SOX6: variants seen among roughly 807,000 people sequenced by gnomAD.
The protein encoded by SOX6 is transcription factor SOX-6.
In SOX6, 11 loss-of-function variants were observed where a neutral mutation model predicts 97.8. The ratio of observed to expected loss-of-function variants is 0.11; its 90% confidence interval spans 0.07 to 0.19. The LOEUF is 0.19. Ranked by LOEUF, SOX6 falls within the 10% of genes least tolerant of loss-of-function variation. The pLI is 1.00. For synonymous variants in SOX6, 360 were observed against 371.4 expected (o/e 0.97, Z 0.35); for missense variants, 810 against 1,039.5 (o/e 0.78, Z 3.04).
chr11:16,540,744 C>A (rs1861393162), intron 4 of SOX6, among the ~76,000 whole-genome samples: 1 of 152,062 alleles, frequency 6.6e-6, no homozygotes, highest in Non-Finnish European at 1.5e-5. Context: ...GAATAAAATA[C>A]CAAAGAATCC....
At chr11:16,723,263 G>A (rs1259507257) in intron 2 of SOX6, among the ~76,000 whole-genome samples, 2 of 152,042 alleles carry the variant, frequency 1.3e-5, no homozygotes, top group Non-Finnish European at 2.9e-5. Flanking sequence ...CTTATAAGAG[G>A]CATCTAAATG....
intron 3 of SOX6, among the ~76,000 whole-genome samples, chr11:16,627,996 G>C (rs1485459118): frequency 1.3e-5 from 2 of 152,092 alleles, no homozygotes; most frequent in African/African-American, 4.8e-5. Context: ...TATAGGTTTA[G>C]TTTCATTCTG....
At position 16,571,608 on chromosome 11, in the gene SOX6, T is replaced by TTTTG. The variant is rs34319439; in HGVS notation, n.609+40469_609+40472dup. On this transcript the variant is annotated intron_variant and non_coding_transcript_variant, in intron 4 of 5. Coordinates refer to the SOX6 transcript ENST00000524520. The stretch of plus-strand genomic sequence containing the variant: ...ACTGTACCCAGCCTCTACATTCAGT[T>TTTTG]TTTGTTTGTTTGTTTGTTTGTTTGT... 9.8e-3 allele frequency among the ~76,000 whole-genome samples: 1,495 copies of TTTTG among 151,888 alleles called. 23 individuals are homozygous for TTTTG. The highest frequency in any genetic ancestry group is 0.033 in the African/African-American group (1,349 of 41,350).
chr11:16,081,407 A>C (rs1390730073), intron 9 of SOX6, among the ~76,000 whole-genome samples: 2 of 151,972 alleles, frequency 1.3e-5, no homozygotes, highest in Non-Finnish European at 2.9e-5. Flanking sequence ...AAGATGACAC[A>C]AAAAAAATGA....
At chr11:16,021,099 AT>A (rs1855046011) in intron 12 of SOX6, among the ~76,000 whole-genome samples, 2 of 152,190 alleles carry the variant, frequency 1.3e-5, no homozygotes, top group Admixed American at 1.3e-4. Flanking sequence ...TGAAAAAGAT[AT>A]TTTGAGTTTA....
intron 3 of SOX6, among the ~76,000 whole-genome samples, chr11:16,665,285 A>G (rs1485342943): frequency 6.6e-6 from 1 of 152,062 alleles, no homozygotes; most frequent in Non-Finnish European, 1.5e-5. Context: ...GTATTTCTGG[A>G]CCTGCTCAGG....
intron 1 of SOX6, among the ~76,000 whole-genome samples, chr11:16,468,393 A>G (rs1860081299): frequency 6.6e-6 from 1 of 152,212 alleles, no homozygotes; most frequent in South Asian, 2.1e-4. Context: ...TATAATGTGT[A>G]AGTTGTTTTG....
chr11:16,328,396 C>CA (rs1410995029), intron 2 of SOX6, among the ~76,000 whole-genome samples: 1 of 152,084 alleles, frequency 6.6e-6, no homozygotes, highest in African/African-American at 2.4e-5. Flanking sequence ...CAAAAACAAC[C>CA]AAAAGTCATT....
intron 3 of SOX6, among the ~76,000 whole-genome samples, chr11:16,641,122 T>C (rs555806709): frequency 1.9e-4 from 29 of 152,368 alleles, no homozygotes; most frequent in African/African-American, 6.0e-4. Context: ...TTTGTTCTTG[T>C]TGGTTTCGAA....
chr11:16,697,766 G>A (rs961762930), intron 3 of SOX6, among the ~76,000 whole-genome samples: 1 of 152,204 alleles, frequency 6.6e-6, no homozygotes, highest in Admixed American at 6.5e-5. Context: ...TGTTGTGTTA[G>A]CAGGCATGAA....
At chr11:16,249,199 T>C (rs774478732) in intron 3 of SOX6, among the ~76,000 whole-genome samples, 2 of 152,226 alleles carry the variant, frequency 1.3e-5, no homozygotes, top group Non-Finnish European at 2.9e-5. Flanking sequence ...TTTTCTTTTC[T>C]ATCACATCGT....
intron 3 of SOX6, among the ~76,000 whole-genome samples, chr11:16,668,291 T>C (rs1847822392): frequency 1.3e-5 from 2 of 152,044 alleles, no homozygotes; most frequent in African/African-American, 4.8e-5. Flanking sequence ...GAGAATTGCT[T>C]GAACATGGGA....
At chr11:16,378,172 T>C (rs1857694084) in intron 1 of SOX6, among the ~76,000 whole-genome samples, 1 of 150,406 alleles carries the variant, frequency 6.6e-6, no homozygotes. Flanking sequence ...TCAACAAACA[T>C]GTACTGAGGC....
chr11:16,638,650 T>G (rs572233581), intron 3 of SOX6, among the ~76,000 whole-genome samples: 36 of 152,374 alleles, frequency 2.4e-4, no homozygotes, highest in Middle Eastern at 6.8e-3. Flanking sequence ...GGGTTTGATA[T>G]GCATTTCTCT....
At chr11:16,581,390 A>G (rs1327758879) in intron 4 of SOX6, among the ~76,000 whole-genome samples, 1 of 152,110 alleles carries the variant, frequency 6.6e-6, no homozygotes, top group Non-Finnish European at 1.5e-5. Flanking sequence ...CATAAGTGGG[A>G]GTTGAACAAT....
chr11:16,697,717 A>G (rs992962349), intron 3 of SOX6, among the ~76,000 whole-genome samples: 3 of 152,232 alleles, frequency 2.0e-5, no homozygotes, highest in Non-Finnish European at 2.9e-5. Flanking sequence ...CTGACTTGGA[A>G]GCTGAAATTA....
intron 1 of SOX6, among the ~76,000 whole-genome samples, chr11:16,368,331 T>C (rs1256965675): frequency 6.6e-6 from 1 of 152,000 alleles, no homozygotes; most frequent in East Asian, 1.9e-4. Context: ...AAAATTCAAA[T>C]GTTGGCTAGG....
chr11:16,355,143 C>T (rs1441847572), intron 1 of SOX6, among the ~76,000 whole-genome samples: 1 of 152,012 alleles, frequency 6.6e-6, no homozygotes, highest in Non-Finnish European at 1.5e-5. Context: ...ACACACTATT[C>T]CATGTGTAGT....
intron 1 of SOX6, among the ~76,000 whole-genome samples, chr11:16,350,393 T>C (rs1265820058): frequency 6.6e-6 from 1 of 152,176 alleles, no homozygotes; most frequent in Non-Finnish European, 1.5e-5. Flanking sequence ...TTAAGAGAAG[T>C]GTCTGGGTGT....
Sources: gnomAD v4.1 joint callset for allele counts (sites outside exome capture counted in the v4.1 genomes callset) on GRCh38, gnomAD v4.1.1 for gene constraint, MANE v1.5 for transcripts, NCBI Gene and HGNC (gene_info 2026-07-23, HGNC 2026-07-21) for gene names.